FNDC3A: variants seen among roughly 807,000 people sequenced by gnomAD.
FNDC3A encodes fibronectin type-III domain-containing protein 3A.
FNDC3A carries 32 observed loss-of-function variants against 148.9 expected under a neutral mutation model. The ratio of observed to expected loss-of-function variants is 0.21; its 90% CI spans 0.16 to 0.29. The LOEUF (loss-of-function observed/expected upper bound fraction) is 0.29, where lower values mean the gene tolerates loss of function less well. Among genes scored for constraint, FNDC3A ranks in the 10% least tolerant of loss-of-function variants. The pLI is 1.00. For synonymous variants in FNDC3A, 472 were observed against 473.6 expected (o/e 1.00, Z 0.04); for missense variants, 1,191 against 1,452.8 (o/e 0.82, Z 2.93).
intron 3 of FNDC3A, among the ~76,000 whole-genome samples, chr13:49,110,662 G>A (rs895142468): frequency 8.6e-5 from 13 of 151,994 alleles, no homozygotes; most frequent in African/African-American, 3.1e-4. Flanking sequence ...CTGAAAATTG[G>A]CATCAGATTA....
intron 2 of FNDC3A, among the ~76,000 whole-genome samples, chr13:49,052,406 T>C (rs191757582): frequency 1.7e-3 from 260 of 152,294 alleles, no homozygotes; most frequent in African/African-American, 6.1e-3. Context: ...TGTTGTCTTA[T>C]GAATGGGGCT....
chr13:49,189,607 A>G (rs1885777340), intron 17 of FNDC3A, among the ~76,000 whole-genome samples: 1 of 152,094 alleles, frequency 6.6e-6, no homozygotes, highest in South Asian at 2.1e-4. Flanking sequence ...AATGAAATAT[A>G]GGCATTTTGT....
At position 49,191,343 on chromosome 13, in the gene FNDC3A, A is replaced by T; in HGVS notation, c.2185A>T (p.Lys729Ter). The change falls in exon 19 of 26, where the codon AAG becomes TAG. Residue 729 changes from lysine to a stop codon, truncating the protein, a stop_gained. Transcript: ENST00000492622. LOFTEE classifies it high-confidence loss of function. The part of the protein sequence containing the change: ...ECTVSSLLPG[K>*]TYSFRLRAAN... ...TACAGTGAGCAGCCTTCTTCCTGGA[A>T]AGACATACAGCTTCAGACTACGTGC... 1 of 1,611,356 alleles carries T rather than the reference A, an allele frequency of 6.2e-7. No homozygotes were observed. The highest frequency in any genetic ancestry group is 1.1e-5 in the South Asian group (1 of 90,322).
intron 3 of FNDC3A, among the ~76,000 whole-genome samples, chr13:49,096,712 G>A (rs902916648): frequency 1.3e-5 from 2 of 152,038 alleles, no homozygotes; most frequent in African/African-American, 4.8e-5. Context: ...TTATTTGAAA[G>A]ACTTAGGCCT....
At chr13:49,110,888 CA>C in intron 3 of FNDC3A, among the ~76,000 whole-genome samples, 1 of 152,196 alleles carries the variant, frequency 6.6e-6, no homozygotes, top group African/African-American at 2.4e-5. Context: ...TTTTAAGAAG[CA>C]GGGGTGGGGA....
At chr13:49,160,519 A>T (rs959195670) in intron 8 of FNDC3A, among the ~76,000 whole-genome samples, 17 of 150,184 alleles carry the variant, frequency 1.1e-4, no homozygotes, top group Non-Finnish European at 2.4e-4. Context: ...TTTCTTCTTT[A>T]TTAGTCTTGC....
intron 4 of FNDC3A, among the ~76,000 whole-genome samples, chr13:49,122,727 A>G (rs778383323): frequency 6.6e-6 from 1 of 152,214 alleles, no homozygotes; most frequent in Non-Finnish European, 1.5e-5. Flanking sequence ...GAGCCAAATC[A>G]TGAGTGAACT....
At chr13:49,022,793 GT>G (rs1213460674) in intron 2 of FNDC3A, among the ~76,000 whole-genome samples, 1 of 151,906 alleles carries the variant, frequency 6.6e-6, no homozygotes, top group Non-Finnish European at 1.5e-5. Flanking sequence ...TTTTCAATTA[GT>G]TTTTTTCTCC....
chr13:49,128,754 C>T (rs950067005), intron 4 of FNDC3A, among the ~76,000 whole-genome samples: 8 of 152,202 alleles, frequency 5.3e-5, no homozygotes, highest in African/African-American at 1.9e-4. Flanking sequence ...TATACTCATG[C>T]AGTCACACCA....
intron 2 of FNDC3A, among the ~76,000 whole-genome samples, chr13:49,017,799 G>C (rs1280467295): frequency 6.6e-6 from 1 of 151,312 alleles, no homozygotes; most frequent in African/African-American, 2.4e-5. Context: ...CAGGCCTGGT[G>C]GTGACAAAAT....
intron 2 of FNDC3A, among the ~76,000 whole-genome samples, chr13:49,057,427 A>G (rs1208872548): frequency 6.6e-6 from 1 of 152,198 alleles, no homozygotes; most frequent in African/African-American, 2.4e-5. Flanking sequence ...TACCAAAGCC[A>G]TCAGCCACCC....
intron 2 of FNDC3A, among the ~76,000 whole-genome samples, chr13:49,028,811 A>G (rs548831939): frequency 6.6e-6 from 1 of 152,344 alleles, no homozygotes; most frequent in South Asian, 2.1e-4. Flanking sequence ...CAATAGGTAG[A>G]ATATTAACAG....
intron 19 of FNDC3A, among the ~76,000 whole-genome samples, chr13:49,194,358 A>G (rs75646670): frequency 0.019 from 2,854 of 152,314 alleles, 94 homozygotes; most frequent in African/African-American, 0.064. Context: ...TATCTGCCAT[A>G]GTTCATTGAT....
chr13:49,152,668 CT>C (rs1356453857), intron 8 of FNDC3A, among the ~76,000 whole-genome samples: 3 of 145,066 alleles, frequency 2.1e-5, no homozygotes, highest in Non-Finnish European at 3.0e-5. Context: ...CCCCTCCCCC[CT>C]ACCCCCACCC....
At chr13:49,152,388 T>C (rs1302646336) in intron 8 of FNDC3A, among the ~76,000 whole-genome samples, 2 of 152,242 alleles carry the variant, frequency 1.3e-5, no homozygotes, top group African/African-American at 2.4e-5. Flanking sequence ...TTGAGAAATG[T>C]CTTCATATCC....
At chr13:49,001,332 A>G (rs1167721994) in intron 1 of FNDC3A, among the ~76,000 whole-genome samples, 1 of 151,964 alleles carries the variant, frequency 6.6e-6, no homozygotes, top group East Asian at 1.9e-4. Context: ...GCTGAGGAGG[A>G]TGTATGTCGC....
At chr13:49,088,696 C>G (rs1376466379) in intron 3 of FNDC3A, among the ~76,000 whole-genome samples, 1 of 152,062 alleles carries the variant, frequency 6.6e-6, no homozygotes, top group Non-Finnish European at 1.5e-5. Context: ...TTTTTTCCAA[C>G]CGCACTAGTA....
intron 3 of FNDC3A, among the ~76,000 whole-genome samples, chr13:49,080,415 G>GT (rs1448752079): frequency 1.3e-5 from 2 of 151,826 alleles, no homozygotes; most frequent in African/African-American, 2.4e-5. Context: ...TTATTCACTG[G>GT]TTTTAACTTA....
chr13:49,034,061 TTA>T (rs1874322749), intron 2 of FNDC3A, among the ~76,000 whole-genome samples: 1 of 152,008 alleles, frequency 6.6e-6, no homozygotes, highest in Non-Finnish European at 1.5e-5. Context: ...GCTAAAATAA[TTA>T]TATTTTAGCA....
Sources: allele counts gnomAD v4.1 joint callset (sites outside exome capture counted in the v4.1 genomes callset), GRCh38; gene constraint gnomAD v4.1.1; transcripts MANE v1.5; gene names NCBI Gene and HGNC (gene_info 2026-07-23, HGNC 2026-07-21).